The following MRC2 variants were observed in gnomAD, a reference collection of about 807,000 sequenced individuals.
MRC2 encodes the protein C-type mannose receptor 2.
MRC2 carries 84 observed loss-of-function variants against 206.2 expected under a neutral mutation model. That is an observed-to-expected ratio of 0.41 (90% CI 0.34 to 0.49). The LOEUF (loss-of-function observed/expected upper bound fraction) is 0.49. MRC2 is among the 20% of genes least tolerant of loss of function. The probability of loss-of-function intolerance (pLI) is 0.31; values close to 1 mark genes in which losing one functional copy is unlikely to be tolerated. For synonymous variants in MRC2, 798 were observed against 800.0 expected, an observed-to-expected ratio of 1.00 and a Z score of 0.04; for missense variants, 1,676 against 2,001.5, an observed-to-expected ratio of 0.84 and a Z score of 3.10.
Position 62,692,320 on chromosome 17 carries a change from C to T in MRC2, c.4309C>T (p.Arg1437Trp), listed in dbSNP as rs775067043. 6.3e-6 allele frequency: 10 copies of T among 1,585,622 alleles called. No homozygotes were observed. The highest frequency in any genetic ancestry group is 4.6e-5 in the East Asian group (2 of 43,672). ...ALLTAALILY[R>W]RRQSIERGAF... ...GCTGACCGCAGCCCTCATCCTTTAC[C>T]GGAGGCGCCAGAGCATCGAGCGCGG... The change falls in exon 30 of 30, where the codon CGG (arginine) becomes TGG (tryptophan). Residue 1437 changes from arginine to tryptophan, a missense_variant. By Grantham distance (101) the Arg-to-Trp change is moderately radical. Around this residue, in one of 3 missense-constraint regions of MRC2, gnomAD observed 1,354 missense variants for 1,636.6 expected, o/e 0.83. Transcript: ENST00000303375. This position sits in a 1 kb window ranked among gnomAD's most constrained non-coding sequence, Gnocchi z 4.2.
At position 62,627,917 on chromosome 17, in the gene MRC2, C is replaced by A; in HGVS notation, c.115C>A (p.Pro39Thr). The A allele has an allele frequency of 6.9e-7, 1 of 1,443,954 alleles. No individual in the cohort carries two copies. The highest frequency in any genetic ancestry group is 9.0e-7 in the Non-Finnish European group (1 of 1,107,196). 89.4% of individuals were successfully genotyped at this position (1,443,954 alleles called of 1,614,324 possible). A position where few individuals can be genotyped will look rare whatever the true frequency, so the allele number is the denominator to read the frequency against. Residue 39 changes from proline to threonine, a missense_variant, in exon 1 of 30, where the codon CCG becomes ACG. Pro to Thr is a conservative substitution (Grantham distance 38). This residue lies in a region of MRC2 where 318 missense variants were observed against 346.7 expected (regional missense o/e 0.92). Transcript: ENST00000303375. ...CGGCGCCCCTGGGGACGCCGCCCTC[C>A]CGGGTAAGGCGCTGCCAACTTGGCC... ...RPGAPGDAALPEPNVFLIFSH... is the reference protein window; with the variant it reads ...RPGAPGDAALTEPNVFLIFSH...
rs138391399 is a variant in MRC2, at chr17:62,688,664, G to A, written c.3225G>A (p.Pro1075=). 6.2e-6 allele frequency: 10 copies of A among 1,613,356 alleles called. No individual in the cohort carries two copies. The highest frequency in any genetic ancestry group is 2.7e-5 in the African/African-American group (2 of 74,942). Residue 1075 remains proline, a splice_region_variant and synonymous_variant, in exon 22 of 30, where the codon CCG becomes CCA. Transcript: ENST00000303375. ...GPSPAPSGNK[P]TSCAVVLHSP... ...GCCCTGCTCCCAGTGGCAACAAACC[G>A]GTGAGGATGCCCTCCCTGTTCCCCT... is the stretch of plus-strand genomic sequence containing the variant.
intron 20 of MRC2, among the ~76,000 whole-genome samples, chr17:62,683,122 G>A (rs2088990417): frequency 6.6e-6 from 1 of 152,100 alleles, no homozygotes; most frequent in Non-Finnish European, 1.5e-5. Context: ...ATATGTATAA[G>A]AACAAAAGAG....
chr17:62,665,961 T>A (rs1272679142), intron 2 of MRC2, 133 bp from the exon 3 acceptor site: 2 of 910,138 alleles, frequency 2.2e-6, no homozygotes, highest in African/African-American at 3.4e-5. Context: ...GGGGTGCCAT[T>A]GCCTCTCCCA....
At chr17:62,655,739 G>A (rs368437087) in intron 1 of MRC2, among the ~76,000 whole-genome samples, 1,481 of 135,052 alleles carry the variant, frequency 0.011, 12 homozygotes, top group Non-Finnish European at 0.016. Flanking sequence ...AAAAAAAAAA[G>A]AAAAAGAAAA....
At chr17:62,674,708 G>T (rs79046538) in intron 9 of MRC2, among the ~76,000 whole-genome samples, 104 of 152,044 alleles carry the variant, frequency 6.8e-4, no homozygotes, top group Middle Eastern at 3.4e-3. Flanking sequence ...TTGAGGGGGG[G>T]GGTGTCAAGG....
In MRC2 at chr17:62,667,427, G is replaced by A. The variant is rs1037562178; in HGVS notation, c.1011G>A (p.Val337=). 6.2e-7 allele frequency: 1 copy of A among 1,612,412 alleles called. No homozygotes were observed. Among genetic ancestry groups the A allele is most frequent in the Non-Finnish European group, 8.5e-7 (1 of 1,179,708 alleles). ...ACCCCAGTGAGGAGAACTGTGGAGTGATCCGCACTGAGTCCTCGGGCGGCT... is the reference window on the plus strand; with the variant it reads ...ACCCCAGTGAGGAGAACTGTGGAGTAATCCGCACTGAGTCCTCGGGCGGCT... ...PDNPSEENCG[V]IRTESSGGWQ... Residue 337 remains valine (V), a synonymous_variant, in exon 6 of 30, where the codon GTG becomes GTA. Coordinates refer to ENST00000303375, the MANE Select transcript of MRC2 (RefSeq NM_006039.5). This position sits in a 1 kb window ranked among gnomAD's most constrained non-coding sequence, Gnocchi z 4.1.
At chr17:62,639,885 C>G (rs2088377005) in intron 1 of MRC2, among the ~76,000 whole-genome samples, 1 of 151,562 alleles carries the variant, frequency 6.6e-6, no homozygotes, top group Non-Finnish European at 1.5e-5. Context: ...CAGAGTTTTG[C>G]ACTTGTTGCC....
intron 1 of MRC2, among the ~76,000 whole-genome samples, chr17:62,645,516 TATATATATATA>T (rs1182564618): frequency 7.7e-4 from 54 of 70,394 alleles, no homozygotes; most frequent in African/African-American, 2.6e-3. Flanking sequence ...TATATATATA[TATATATATATA>T]TTTTTTTTTT....
chr17:62,663,958 C>CTTTT (rs1200787312), intron 1 of MRC2, among the ~76,000 whole-genome samples: 4 of 125,276 alleles, frequency 3.2e-5, no homozygotes, highest in African/African-American at 9.7e-5. Context: ...GTTGGGTTTG[C>CTTTT]TTTTTTTTTT....
At position 62,692,194 on chromosome 17, in the gene MRC2, C is replaced by A; in HGVS notation, c.4220-37C>A. ...AGGCAGGAAGCACTGCTGGGCCTAA[C>A]GCCCACTTGGCCTTTCACGCCCACT... is the stretch of plus-strand genomic sequence containing the variant. On this transcript the variant is annotated intron_variant, in intron 29 of 29. Transcript: ENST00000303375. The surrounding 1 kb of genome is among the most constrained non-coding windows in gnomAD (Gnocchi z 4.2). The A allele has an allele frequency of 1.2e-6, 2 of 1,613,820 alleles. No homozygotes were observed. Among genetic ancestry groups the A allele is most frequent in the South Asian group, 2.2e-5 (2 of 91,030 alleles).
chr17:62,645,475 A>G (rs2088463754), intron 1 of MRC2, among the ~76,000 whole-genome samples: 1 of 140,106 alleles, frequency 7.1e-6, no homozygotes, highest in Admixed American at 7.5e-5. Flanking sequence ...ATATATACAC[A>G]TAATATGTGT....
intron 1 of MRC2, among the ~76,000 whole-genome samples, chr17:62,639,513 A>G (rs2088372166): frequency 6.6e-6 from 1 of 152,228 alleles, no homozygotes; most frequent in Admixed American, 6.5e-5. Context: ...TCAGGATTCA[A>G]TCTTTCGGAC....
At position 62,693,226 on chromosome 17, in the gene MRC2, G is replaced by A. The variant is rs1384603621; in HGVS notation, c.*775G>A. 1.3e-5 allele frequency: 2 copies of A among 152,504 alleles called. No homozygotes were observed. The highest frequency in any genetic ancestry group is 2.9e-5 in the Non-Finnish European group (2 of 68,064). The allele number at this position is 152,504 out of a possible 1,614,324, so 9.4% of individuals were successfully genotyped here. ...CTGCCCCTGGAAGAGTCCCCTGTGG[G>A]GACCAAAATAAGTTCCCTAACATCT... On this transcript the variant is annotated 3_prime_UTR_variant, in exon 30 of 30. Transcript: ENST00000303375.
At chr17:62,650,163 G>A (rs2088538772) in intron 1 of MRC2, among the ~76,000 whole-genome samples, 1 of 151,854 alleles carries the variant, frequency 6.6e-6, no homozygotes, top group African/African-American at 2.4e-5. Context: ...CCAAAATGCT[G>A]GGATCACAGG....
chr17:62,661,577 A>ATTCCTTCCTTCCTTCCTTCCTTCC (rs67370638), intron 1 of MRC2: 13 of 139,008 alleles, frequency 9.4e-5, no homozygotes, highest in Non-Finnish European at 2.0e-4. Context: ...TCCTTCCTTC[A>ATTCCTTCCTTCCTTCCTTCCTTCC]TTCCTTCCTT....
In MRC2 at chr17:62,681,158, G is replaced by A. The variant is rs372617675; in HGVS notation, c.2702+29G>A. ...GGAACCCAGGCAGGCAGCAGATGTG[G>A]AAGGGGGCTGGCTGTCCACACACGG... On this transcript the variant is annotated intron_variant, in intron 18 of 29. Transcript: ENST00000303375. 23 of 1,609,764 alleles carry A rather than the reference G, an allele frequency of 1.4e-5. No homozygotes were observed. The African/African-American group carries it at 2.7e-4, about 19-fold the overall frequency.
intron 6 of MRC2, among the ~76,000 whole-genome samples, chr17:62,670,467 C>G (rs1340929193): frequency 1.3e-5 from 2 of 152,256 alleles, no homozygotes; most frequent in South Asian, 4.1e-4. Context: ...CCACTGGAAT[C>G]CCAGTCTGAG....
chr17:62,651,268 G>A (rs934406698), intron 1 of MRC2, among the ~76,000 whole-genome samples: 3 of 152,226 alleles, frequency 2.0e-5, no homozygotes, highest in South Asian at 2.1e-4. Context: ...ACTTTTAGTA[G>A]AGACAGGGTT....
Sources: gnomAD v4.1 joint callset for allele counts (sites outside exome capture counted in the v4.1 genomes callset) on GRCh38, gnomAD v4.1.1 for gene constraint, gnomAD v4.1.1 regional missense constraint, Gnocchi (gnomAD v3.1) non-coding constraint, MANE v1.5 for transcripts, NCBI Gene and HGNC (gene_info 2026-07-23, HGNC 2026-07-21) for gene names.